The following ARB2A variants were observed in gnomAD, a reference collection of about 807,000 sequenced individuals.
ARB2A encodes cotranscriptional regulator ARB2A.
chr5:93,775,130 A>T, the ARB2A span, among the ~76,000 whole-genome samples: 14 of 152,160 alleles, frequency 9.2e-5, no homozygotes, highest in Non-Finnish European at 1.0e-4. Context: ...TTATAGACTT[A>T]TAAAATTCAG....
the ARB2A span, among the ~76,000 whole-genome samples, chr5:94,023,468 C>A: frequency 6.6e-6 from 1 of 152,168 alleles, no homozygotes; most frequent in South Asian, 2.1e-4. Context: ...AAAAAGAGAA[C>A]AATATTGTGT....
At chr5:93,765,733 A>G in the ARB2A span, among the ~76,000 whole-genome samples, 2 of 152,208 alleles carry the variant, frequency 1.3e-5, no homozygotes, top group Admixed American at 1.3e-4. Context: ...TTGCCAAGTC[A>G]ATCCTACGCC....
chr5:93,984,997 C>T, the ARB2A span, among the ~76,000 whole-genome samples: 11 of 152,216 alleles, frequency 7.2e-5, no homozygotes, highest in Non-Finnish European at 1.5e-5. Flanking sequence ...CACCCTCATT[C>T]TATCTCCTAC....
At chr5:93,993,717 T>C in the ARB2A span, among the ~76,000 whole-genome samples, 3 of 151,858 alleles carry the variant, frequency 2.0e-5, no homozygotes, top group Non-Finnish European at 2.9e-5. Context: ...AAATTTAAAA[T>C]GTACAATGGG....
At chr5:93,665,050 T>C in the ARB2A span, among the ~76,000 whole-genome samples, 1 of 152,124 alleles carries the variant, frequency 6.6e-6, no homozygotes, top group African/African-American at 2.4e-5. Flanking sequence ...TGATATTGAA[T>C]TCCTGGGCTC....
At chr5:93,923,481 G>A in the ARB2A span, among the ~76,000 whole-genome samples, 4 of 151,920 alleles carry the variant, frequency 2.6e-5, no homozygotes, top group Admixed American at 1.3e-4. Flanking sequence ...GTGTTTTTCA[G>A]CATTTTCCAA....
the ARB2A span, among the ~76,000 whole-genome samples, chr5:94,075,751 A>C: frequency 6.6e-6 from 1 of 152,184 alleles, no homozygotes; most frequent in African/African-American, 2.4e-5. Context: ...CATAATCAGC[A>C]GAATGTAACA....
chr5:94,040,435 T>C, the ARB2A span, among the ~76,000 whole-genome samples: 1 of 151,940 alleles, frequency 6.6e-6, no homozygotes, highest in Non-Finnish European at 1.5e-5. Flanking sequence ...ACATGTGCCA[T>C]GTTGGTGTGC....
the ARB2A span, among the ~76,000 whole-genome samples, chr5:93,973,039 C>T: frequency 1.3e-5 from 2 of 151,994 alleles, no homozygotes; most frequent in African/African-American, 4.8e-5. Flanking sequence ...GCCTCAAACT[C>T]CTGGGCTCAA....
the ARB2A span, among the ~76,000 whole-genome samples, chr5:94,054,681 A>G: frequency 1.3e-5 from 2 of 152,276 alleles, no homozygotes; most frequent in South Asian, 4.1e-4. Context: ...GCCCACCCTC[A>G]GGGAAAAAGA....
At chr5:93,958,351 C>T in the ARB2A span, among the ~76,000 whole-genome samples, 10 of 151,982 alleles carry the variant, frequency 6.6e-5, no homozygotes, top group Admixed American at 4.6e-4. Context: ...AGTAGCAGAT[C>T]TCCTTTAGTT....
chr5:94,069,368 C>A, the ARB2A span, among the ~76,000 whole-genome samples: 1 of 152,118 alleles, frequency 6.6e-6, no homozygotes, highest in African/African-American at 2.4e-5. Context: ...TTTCAGGACA[C>A]TGGTCTAGGC....
chr5:93,955,048 C>T, the ARB2A span, among the ~76,000 whole-genome samples: 2 of 152,126 alleles, frequency 1.3e-5, no homozygotes, highest in African/African-American at 4.8e-5. Context: ...GGGGTGGCAT[C>T]GGCGATTCAA....
At chr5:93,950,953 A>AT in the ARB2A span, among the ~76,000 whole-genome samples, 5 of 147,822 alleles carry the variant, frequency 3.4e-5, no homozygotes, top group African/African-American at 5.0e-5. Context: ...CAAAAAAAAA[A>AT]AAAAATAAAA....
the ARB2A span, among the ~76,000 whole-genome samples, chr5:93,834,419 T>C: frequency 1.5e-4 from 23 of 152,180 alleles, no homozygotes; most frequent in African/African-American, 5.1e-4. Context: ...TTAAATAGTT[T>C]TATTCAAAAT....
chr5:93,821,236 A>G, the ARB2A span, among the ~76,000 whole-genome samples: 3 of 152,074 alleles, frequency 2.0e-5, no homozygotes, highest in Non-Finnish European at 4.4e-5. Flanking sequence ...AACTTGTAGG[A>G]CAGTGGTAGA....
chr5:93,623,023 A>G, the ARB2A span, among the ~76,000 whole-genome samples: 1 of 152,206 alleles, frequency 6.6e-6, no homozygotes, highest in African/African-American at 2.4e-5. Flanking sequence ...ATGCTCAGAC[A>G]TACCTGCTTT....
the ARB2A span, among the ~76,000 whole-genome samples, chr5:93,837,097 C>T: frequency 9.2e-5 from 14 of 151,996 alleles, no homozygotes; most frequent in African/African-American, 3.1e-4. Flanking sequence ...AAGTATAGTA[C>T]CCAATAGGTA....
chr5:93,865,906 C>A, the ARB2A span: 1 of 985,290 alleles, frequency 1.0e-6, no homozygotes, highest in Non-Finnish European at 1.2e-6. Context: ...TCCACCTTAT[C>A]GCTATGAGGG....
Sources: allele counts gnomAD v4.1 joint callset (sites outside exome capture counted in the v4.1 genomes callset), GRCh38; gene constraint gnomAD v4.1.1; transcripts MANE v1.5; gene names NCBI Gene and HGNC (gene_info 2026-07-23, HGNC 2026-07-21).